TOP1MT: variants seen among roughly 807,000 people sequenced by gnomAD.
The protein encoded by TOP1MT is DNA topoisomerase I, mitochondrial.
In TOP1MT, 80 loss-of-function variants were observed where a neutral mutation model predicts 73.9. That is an observed-to-expected ratio of 1.08 (90% CI 0.90 to 1.30). The LOEUF is 1.30. Ranked by LOEUF, TOP1MT falls within the 50% of genes most tolerant of loss-of-function variation. The probability of loss-of-function intolerance (pLI) is 0.00; values close to 1 mark genes in which losing one functional copy is unlikely to be tolerated. For synonymous variants in TOP1MT, 338 were observed against 326.4 expected (o/e 1.04, Z -0.38); for missense variants, 815 against 808.0 (o/e 1.01, Z -0.10).
At chr8:143,337,835 G>T (rs891744895), upstream of TOP1MT, among the ~76,000 whole-genome samples, 2 of 152,132 alleles carry the variant, frequency 1.3e-5, no homozygotes, top group Non-Finnish European at 2.9e-5. Context: ...GTTAAAGATC[G>T]GCCCGGACCT....
intron 1 of TOP1MT, among the ~76,000 whole-genome samples, chr8:143,354,061 C>T (rs1043931536): frequency 1.3e-5 from 2 of 149,078 alleles, no homozygotes; most frequent in Admixed American, 1.3e-4. Flanking sequence ...TAGCTACATA[C>T]CCGAAAGCAC....
chr8:143,359,900 A>C (rs1817475619), upstream of TOP1MT: 1 of 152,186 alleles, frequency 6.6e-6, no homozygotes, highest in African/African-American at 2.4e-5. Flanking sequence ...TCCAGGACCC[A>C]CGCGGTCCCA....
intron 3 of TOP1MT, chr8:143,327,774 G>T: frequency 2.3e-6 from 1 of 435,330 alleles, no homozygotes. Context: ...CCAAAGAAGA[G>T]GGTCCAGAAG....
intron 8 of TOP1MT, among the ~76,000 whole-genome samples, chr8:143,319,535 C>T (rs1241631156): frequency 6.6e-6 from 1 of 152,138 alleles, no homozygotes; most frequent in African/African-American, 2.4e-5. Flanking sequence ...GTGGCGCCCA[C>T]CCAGACAGGG....
chr8:143,354,802 A>ACCAGAACAGGT (rs1187892625), intron 1 of TOP1MT, among the ~76,000 whole-genome samples: 1 of 152,196 alleles, frequency 6.6e-6, no homozygotes, highest in Non-Finnish European at 1.5e-5. Flanking sequence ...AGCTCCCAGA[A>ACCAGAACAGGT]CCAGAACAGG....
Position 143,321,192 on chromosome 8 carries a change from G to C in TOP1MT, c.1146+9C>G. 7 of 1,582,000 alleles carry C rather than the reference G, an allele frequency of 4.4e-6. No individual in the cohort carries two copies. Among genetic ancestry groups the C allele is most frequent in the African/African-American group, 1.4e-5 (1 of 73,934 alleles). On this transcript the variant is annotated intron_variant, in intron 8 of 13. Coordinates refer to ENST00000329245, the MANE Select transcript of TOP1MT (RefSeq NM_052963.3). ...ACATAGCGGGGGCAGCTGGCGCGAG[G>C]GCACTCACCGGCTTCTCCACCGGCA...
chr8:143,334,858 G>A lies in TOP1MT; in HGVS notation c.4C>T (p.Arg2Cys), dbSNP rs1043973782. The A allele has an allele frequency of 3.4e-6, 5 of 1,472,196 alleles. No individual in the cohort carries two copies. The highest frequency in any genetic ancestry group is 3.9e-5 in the African/African-American group (2 of 50,986). The allele number at this position is 1,472,196 out of a possible 1,614,324, so 91.2% of individuals were successfully genotyped here. A position where few individuals can be genotyped will look rare whatever the true frequency, so the allele number is the denominator to read the frequency against. M[R>C]VVRLLRLRAA... ...CGGAGCCGCAGCAGCCGCACCACGC[G>A]CATCTGCCAGCCTCCGGGAAAGAGC... The change falls in exon 1 of 14, where the codon CGC becomes TGC. Residue 2 changes from arginine to cysteine, a missense_variant. By Grantham distance (180) the Arg-to-Cys change is radical (BLOSUM62 -3). Coordinates refer to ENST00000329245, the MANE Select transcript of TOP1MT (RefSeq NM_052963.3).
At position 143,331,265 on chromosome 8, in the gene TOP1MT, G is replaced by A; in HGVS notation, c.197C>T (p.Pro66Leu). 3 of 1,612,258 alleles carry A rather than the reference G, an allele frequency of 1.9e-6. No individual in the cohort carries two copies. In the African/African-American group the frequency reaches 4.0e-5, roughly 21 times the overall value. The change falls in exon 2 of 14, where the codon CCA becomes CTA. Residue 66 changes from proline to leucine, a missense_variant. Pro to Leu is a moderately conservative substitution (Grantham distance 98, BLOSUM62 -3). This residue lies in a region of TOP1MT where 751 missense variants were observed against 725.4 expected (regional missense o/e 1.04). Coordinates refer to ENST00000329245, the MANE Select transcript of TOP1MT (RefSeq NM_052963.3). ...LEHKGPYFAPPYEPLPDGVRF... is the reference protein window; with the variant it reads ...LEHKGPYFAPLYEPLPDGVRF... ...CACTCCGTCGGGAAGGGGCTCGTAT[G>A]GGGGTGCGAAGTACGGGCCCTTGTG... is the stretch of plus-strand genomic sequence containing the variant.
chr8:143,310,254 G>A (rs887981673), intron 12 of TOP1MT, 37 bp from the exon 13 acceptor site: 1 of 1,446,076 alleles, frequency 6.9e-7, no homozygotes, highest in Non-Finnish European at 9.1e-7. Context: ...GCCCCGCGCT[G>A]GACTAGCGCC....
In TOP1MT at chr8:143,316,036, C is replaced by T. The variant is rs141292082; in HGVS notation, c.1421G>A (p.Ser474Asn). The T allele has an allele frequency of 3.5e-5, 57 of 1,614,024 alleles. No homozygotes were observed. Among genetic ancestry groups the T allele is most frequent in the African/African-American group, 9.3e-5 (7 of 74,932 alleles). The change falls in exon 11 of 14, where the codon AGT (serine) becomes AAT (asparagine). Residue 474 changes from serine (S) to asparagine (N), a missense_variant. Physicochemically the swap from Ser to Asn is conservative, Grantham distance 46. Transcript: ENST00000329245. ...ATTCTGCATCGACTTCTCGAACGTACTGGGGGTTGCTCGCTGATGGTTGCA... is the reference window on the plus strand; with the variant it reads ...ATTCTGCATCGACTTCTCGAACGTATTGGGGGTTGCTCGCTGATGGTTGCA... ...ILCNHQRATP[S>N]TFEKSMQNLQ...
intron 7 of TOP1MT, 69 bp downstream of exon 7, chr8:143,323,930 C>T: frequency 6.3e-7 from 1 of 1,584,516 alleles, no homozygotes; most frequent in Non-Finnish European, 8.6e-7. Context: ...CACACTGCAC[C>T]ATCCAACTGG....
At chr8:143,337,704 A>G (rs1817005724), upstream of TOP1MT, among the ~76,000 whole-genome samples, 1 of 152,192 alleles carries the variant, frequency 6.6e-6, no homozygotes. Flanking sequence ...GGAGGAGACC[A>G]CCTCTCATAT....
chr8:143,330,255 G>A lies in TOP1MT; in HGVS notation c.239-784C>T, dbSNP rs114537714. ...GCCCCACGCGACACCACCACTCCCC[G>A]GACTGTCCACCATGGCCCTGCATAA... is the stretch of plus-strand genomic sequence containing the variant. On this transcript the variant is annotated intron_variant, in intron 2 of 13. Transcript: ENST00000329245. Among the ~76,000 whole-genome samples, 558 of 152,230 alleles carry A rather than the reference G, an allele frequency of 3.7e-3. 5 individuals are homozygous for A. Among genetic ancestry groups the A allele is most frequent in the African/African-American group, 0.012 (511 of 41,544 alleles).
At chr8:143,332,776 T>C (rs1039380912) in intron 1 of TOP1MT, 1 of 360,928 alleles carries the variant, frequency 2.8e-6, no homozygotes. Context: ...CTCACGCCTG[T>C]GATCCCAGCA....
Position 143,331,146 on chromosome 8 carries a change from C to T in TOP1MT, c.238+78G>A, listed in dbSNP as rs28580115. ...GAAGCCTGCAGGGGGGCTGAGGGAG[C>T]GAGCCAGATGCCCACTGGGAGCCCA... is the stretch of plus-strand genomic sequence containing the variant. On this transcript the variant is annotated intron_variant, in intron 2 of 13. Transcript: ENST00000329245. 5.9e-5 allele frequency: 68 copies of T among 1,155,282 alleles called. No homozygotes were observed. The African/African-American group carries it at 7.7e-4, about 13-fold the overall frequency. 71.6% of individuals were successfully genotyped at this position (1,155,282 alleles called of 1,614,324 possible). A position where few individuals can be genotyped will look rare whatever the true frequency, so the allele number is the denominator to read the frequency against.
chr8:143,329,609 C>G lies in TOP1MT; in HGVS notation c.239-138G>C. 2.9e-6 allele frequency: 3 copies of G among 1,040,546 alleles called. No homozygotes were observed. The South Asian group carries it at 4.8e-5, about 17-fold the overall frequency. The allele number at this position is 1,040,546 out of a possible 1,614,324, so 64.5% of individuals were successfully genotyped here. On this transcript the variant is annotated intron_variant, in intron 2 of 13. Coordinates refer to ENST00000329245, the MANE Select transcript of TOP1MT (RefSeq NM_052963.3). The stretch of plus-strand genomic sequence containing the variant: ...GAAGCTAGGCCTTCTTCTGTAAGTT[C>G]AGAAGCATGTTCTGCATGACACACG...
intron 1 of TOP1MT, among the ~76,000 whole-genome samples, chr8:143,350,528 C>T (rs1047956949): frequency 4.6e-5 from 7 of 152,156 alleles, no homozygotes; most frequent in South Asian, 2.1e-4. Context: ...GACGGGGTTT[C>T]GCCATGTTGG....
In TOP1MT at chr8:143,334,734, C is replaced by T. The variant is rs763071805; in HGVS notation, c.122+6G>A. ...CCCTCGCCGCCTGCTCACTGGGACA[C>T]CTTACCTGGCTCCACTGCCCTTCTG... is the stretch of plus-strand genomic sequence containing the variant. On this transcript the variant is annotated splice_donor_region_variant and intron_variant, in intron 1 of 13. Transcript: ENST00000329245. The T allele has an allele frequency of 6.2e-7, 1 of 1,600,796 alleles. No homozygotes were observed. The highest frequency in any genetic ancestry group is 8.5e-7 in the Non-Finnish European group (1 of 1,174,666).
chr8:143,331,130 A>AG, intron 2 of TOP1MT, 94 bp downstream of exon 2: 4 of 952,066 alleles, frequency 4.2e-6, no homozygotes, highest in South Asian at 3.1e-5. Flanking sequence ...AGAAGCCTGC[A>AG]GGGGGGCTGA....
Sources: gnomAD v4.1 joint callset for allele counts (sites outside exome capture counted in the v4.1 genomes callset) on GRCh38, gnomAD v4.1.1 for gene constraint, gnomAD v4.1.1 regional missense constraint, MANE v1.5 for transcripts, NCBI Gene and HGNC (gene_info 2026-07-23, HGNC 2026-07-21) for gene names.